The following TPO variants were observed in gnomAD, a reference collection of about 807,000 sequenced individuals.
The protein encoded by TPO is thyroid microsomal antigen.
Under a neutral mutation model 96.9 loss-of-function variants are expected in TPO, and 78 were observed. The ratio of observed to expected loss-of-function variants is 0.81; its 90% CI spans 0.67 to 0.97. The LOEUF is 0.97. TPO is among the 50% of genes least tolerant of loss of function. The pLI, the probability that TPO is intolerant of heterozygous loss-of-function variation, is 0.00. For missense variants in TPO, 1,252 were observed against 1,274.8 expected (o/e 0.98, Z 0.27); for synonymous variants, 547 against 538.0 (o/e 1.02, Z -0.23).
intron 1 of TPO, among the ~76,000 whole-genome samples, chr2:1,386,602 T>C (rs1312933187): frequency 7.2e-5 from 11 of 152,186 alleles, no homozygotes; most frequent in Non-Finnish European, 1.3e-4. Context: ...AGCCTATGTG[T>C]GTCTCTGCAT....
chr2:1,441,142 G>A (rs79567737), intron 5 of TPO, among the ~76,000 whole-genome samples: 9,312 of 151,928 alleles, frequency 0.061, 354 homozygotes, highest in Non-Finnish European at 0.083. Context: ...CTGTTTGCAT[G>A]GTGTAGTGAG....
At chr2:1,524,150 C>CA (rs531105452) in intron 15 of TPO, among the ~76,000 whole-genome samples, 1 of 143,372 alleles carries the variant, frequency 7.0e-6, no homozygotes, top group Non-Finnish European at 1.5e-5. Flanking sequence ...TGCAACCTCC[C>CA]AAAATCCCCC....
intron 3 of TPO, among the ~76,000 whole-genome samples, chr2:1,424,720 C>G (rs186673743): frequency 6.6e-6 from 1 of 152,338 alleles, no homozygotes; most frequent in East Asian, 1.9e-4. Flanking sequence ...AATACTGTTT[C>G]TACTGTGGAA....
chr2:1,421,568 G>T (rs1224851074), intron 2 of TPO, among the ~76,000 whole-genome samples: 2 of 152,212 alleles, frequency 1.3e-5, no homozygotes, highest in African/African-American at 4.8e-5. Flanking sequence ...ACTGCATTTG[G>T]CAAATAAGCG....
chr2:1,408,970 C>G (rs943656250), upstream of TPO, among the ~76,000 whole-genome samples: 1 of 152,144 alleles, frequency 6.6e-6, no homozygotes, highest in East Asian at 1.9e-4. Context: ...TATAAGTCAC[C>G]CCCGATGGCA....
chr2:1,437,034 G>A (rs1324102482), intron 5 of TPO, among the ~76,000 whole-genome samples: 2 of 152,200 alleles, frequency 1.3e-5, no homozygotes, highest in Admixed American at 6.5e-5. Context: ...AGGAGCTTTG[G>A]CCACACACAG....
At chr2:1,375,655 G>A (rs79851893) in intron 1 of TPO, among the ~76,000 whole-genome samples, 8,597 of 152,162 alleles carry the variant, frequency 0.056, 354 homozygotes, top group Middle Eastern at 0.095. Flanking sequence ...TTTGTGTGAC[G>A]CGGGTCCCAA....
chr2:1,466,714 T>G (rs978827899), intron 7 of TPO, among the ~76,000 whole-genome samples: 1 of 152,202 alleles, frequency 6.6e-6, no homozygotes, highest in South Asian at 2.1e-4. Context: ...ATTTCAGTGG[T>G]GTCAGTTGTA....
At chr2:1,422,786 G>C (rs577208905) in intron 2 of TPO, among the ~76,000 whole-genome samples, 1 of 152,356 alleles carries the variant, frequency 6.6e-6, no homozygotes, top group South Asian at 2.1e-4. Context: ...CATTTGAAGT[G>C]GTTTGGGCAA....
At chr2:1,475,043 G>C (rs1283554871) in intron 7 of TPO, among the ~76,000 whole-genome samples, 1 of 152,188 alleles carries the variant, frequency 6.6e-6, no homozygotes, top group Non-Finnish European at 1.5e-5. Context: ...TCTGAGGAAG[G>C]CTTTGCTGGT....
At chr2:1,482,148 G>A (rs1670707994) in intron 8 of TPO, among the ~76,000 whole-genome samples, 1 of 152,246 alleles carries the variant, frequency 6.6e-6, no homozygotes, top group African/African-American at 2.4e-5. Flanking sequence ...AGAAAGTTCA[G>A]AGGAGCCTGT....
At chr2:1,537,224 CAAATCCCCCAACT>C in intron 15 of TPO, among the ~76,000 whole-genome samples, 7 of 111,002 alleles carry the variant, frequency 6.3e-5, no homozygotes, top group African/African-American at 2.8e-4. Flanking sequence ...GCCACCTCCC[CAAATCCCCCAACT>C]GTTTCGAACC....
chr2:1,487,819 A>G lies in TPO; in HGVS notation c.1598-2A>G. On this transcript the variant is annotated splice_acceptor_variant, in intron 9 of 16. Transcript: ENST00000329066. LOFTEE classifies it high-confidence loss of function. ...CCTTGCCTTGTGCATGGTATTTTCC[A>G]GGTGGTTTGGACCCACTAATACGAG... 6.2e-7 allele frequency: 1 copy of G among 1,614,184 alleles called. No homozygotes were observed. The highest frequency in any genetic ancestry group is 8.5e-7 in the Non-Finnish European group (1 of 1,180,042).
chr2:1,403,932 G>A (rs1326309825), intron 1 of TPO, among the ~76,000 whole-genome samples: 2 of 149,944 alleles, frequency 1.3e-5, no homozygotes, highest in Non-Finnish European at 2.9e-5. Flanking sequence ...CCTTGACAAA[G>A]CTTGGGATGG....
intron 10 of TPO, among the ~76,000 whole-genome samples, chr2:1,492,555 A>C (rs546460326): frequency 1.3e-5 from 2 of 152,204 alleles, no homozygotes; most frequent in Non-Finnish European, 2.9e-5. Context: ...CCTTTGCTCC[A>C]TGAGTCTGTT....
chr2:1,435,940 T>C (rs1381644574), intron 4 of TPO, among the ~76,000 whole-genome samples: 1 of 152,198 alleles, frequency 6.6e-6, no homozygotes, highest in African/African-American at 2.4e-5. Flanking sequence ...TGAGAGTTGA[T>C]GGTAACTGCA....
intron 15 of TPO, among the ~76,000 whole-genome samples, chr2:1,527,551 C>T (rs11904640): frequency 0.52 from 76,565 of 147,484 alleles, 20,551 homozygotes; most frequent in South Asian, 0.62. Flanking sequence ...CAACTGTGTT[C>T]AGCTTCCCCA....
intron 15 of TPO, among the ~76,000 whole-genome samples, chr2:1,535,485 A>C (rs1679417810): frequency 2.5e-5 from 1 of 39,926 alleles, no homozygotes; most frequent in Non-Finnish European, 4.8e-5. Context: ...ACTCCGTGCA[A>C]CCTCCGCCTA....
intron 8 of TPO, among the ~76,000 whole-genome samples, chr2:1,480,773 C>CCTGCATCCGTCCACACCACCTTCCTCCTG (rs1158995226): frequency 1.1e-5 from 1 of 93,940 alleles, no homozygotes; most frequent in African/African-American, 3.8e-5. Flanking sequence ...CCTCCCTCCT[C>CCTGCATCCGTCCACACCACCTTCCTCCTG]CTGCATCCGT....
Sources: gnomAD v4.1 joint callset for allele counts (sites outside exome capture counted in the v4.1 genomes callset) on GRCh38, gnomAD v4.1.1 for gene constraint, MANE v1.5 for transcripts, NCBI Gene and HGNC (gene_info 2026-07-23, HGNC 2026-07-21) for gene names.